Variants in FAAH2 observed in about 807,000 individuals in gnomAD.
FAAH2 encodes the protein fatty-acid amide hydrolase 2.
In FAAH2, 60 loss-of-function variants were observed where a neutral mutation model predicts 36.9. The observed-to-expected ratio is 1.63, with a 90% CI of 1.32 to 2.02. The LOEUF (loss-of-function observed/expected upper bound fraction) is 2.02. Among genes scored for constraint, FAAH2 ranks in the 30% most tolerant of loss-of-function variants. The pLI, the probability that FAAH2 is intolerant of heterozygous loss-of-function variation, is 0.00. For synonymous variants in FAAH2, 214 were observed against 143.8 expected (o/e 1.49, Z -3.49); for missense variants, 689 against 397.5 (o/e 1.73, Z -6.23).
intron 7 of FAAH2, among the ~76,000 whole-genome samples, chrX:57,406,217 A>T (rs1447566275): frequency 1.8e-5 from 2 of 112,143 alleles, no homozygotes; most frequent in African/African-American, 6.5e-5. Flanking sequence ...TTGGCTATAT[A>T]TAACTTTTGT....
chrX:57,360,975 C>T (rs1433434736), intron 5 of FAAH2, among the ~76,000 whole-genome samples: 3 of 111,894 alleles, frequency 2.7e-5, no homozygotes, highest in East Asian at 2.8e-4. Flanking sequence ...TGGCTTCCAG[C>T]TTCATCCACG....
At chrX:57,240,772 C>T in the FAAH2 span, among the ~76,000 whole-genome samples, 1 of 112,010 alleles carries the variant, frequency 8.9e-6, no homozygotes, top group Non-Finnish European at 1.9e-5. Flanking sequence ...CAAGATCTGT[C>T]AGTGTAGGAG....
At chrX:57,446,668 T>G (rs776800709) in intron 8 of FAAH2, among the ~76,000 whole-genome samples, 2 of 112,065 alleles carry the variant, frequency 1.8e-5, no homozygotes, top group South Asian at 3.7e-4. Context: ...GTGAATAGGC[T>G]CATACGTATG....
At chrX:57,362,852 T>C (rs5914993) in intron 5 of FAAH2, among the ~76,000 whole-genome samples, 60,263 of 110,852 alleles carry the variant, frequency 0.54, 14,414 homozygotes, top group Non-Finnish European at 0.75. Context: ...CCATTGCTTG[T>C]TATTGTCAAC....
In FAAH2 at chrX:57,310,790, C is replaced by A. The variant is rs756234617; in HGVS notation, c.412+61C>A. The A allele has an allele frequency of 1.1e-4, 118 of 1,091,899 alleles. No individual in the cohort carries two copies. The African/African-American group carries it at 2.0e-3, about 19-fold the overall frequency. The allele number at this position is 1,091,899 out of a possible 1,213,427, so 90.0% of individuals were successfully genotyped here. On this transcript the variant is annotated intron_variant, in intron 3 of 10. Transcript: ENST00000374900. ...TTCACAAGTTGCTACATTTTCTAAA[C>A]TTATAAACTAAAAAGGATGGTATAA...
At chrX:57,151,737 G>A in the FAAH2 span, among the ~76,000 whole-genome samples, 8 of 110,749 alleles carry the variant, frequency 7.2e-5, no homozygotes, top group African/African-American at 2.0e-4. Flanking sequence ...TAGTTTGATC[G>A]TCTGAAGCCT....
intron 5 of FAAH2, among the ~76,000 whole-genome samples, chrX:57,355,260 G>T (rs1470243943): frequency 2.7e-5 from 3 of 110,261 alleles, no homozygotes; most frequent in Non-Finnish European, 3.8e-5. Flanking sequence ...TGGCTTCTTT[G>T]TCTTTTTTTT....
At chrX:57,440,122 T>C (rs1268141025) in intron 8 of FAAH2, among the ~76,000 whole-genome samples, 8 of 111,713 alleles carry the variant, frequency 7.2e-5, no homozygotes, top group Non-Finnish European at 1.3e-4. Flanking sequence ...GAGTAGTTTT[T>C]TCCAGTTCTG....
At chrX:57,208,732 A>G in the FAAH2 span, among the ~76,000 whole-genome samples, 2 of 112,230 alleles carry the variant, frequency 1.8e-5, no homozygotes, top group Admixed American at 9.4e-5. Context: ...GTTTCTATAG[A>G]TTATAGATTT....
At chrX:57,227,899 G>A in the FAAH2 span, among the ~76,000 whole-genome samples, 1 of 111,125 alleles carries the variant, frequency 9.0e-6, no homozygotes, top group African/African-American at 3.3e-5. Context: ...CCTCTGCTGA[G>A]TCATACAGGT....
the FAAH2 span, among the ~76,000 whole-genome samples, chrX:57,195,707 G>A: frequency 1.8e-5 from 2 of 112,076 alleles, no homozygotes; most frequent in African/African-American, 6.5e-5. Flanking sequence ...GTTTTCTGAT[G>A]TTATCTTCCA....
At chrX:57,148,467 A>G in the FAAH2 span, among the ~76,000 whole-genome samples, 2 of 110,700 alleles carry the variant, frequency 1.8e-5, no homozygotes, top group African/African-American at 6.6e-5. Context: ...CTCCTTGAAG[A>G]GGTCCTTCAC....
intron 5 of FAAH2, among the ~76,000 whole-genome samples, chrX:57,373,819 C>T (rs766827234): frequency 7.2e-5 from 8 of 111,184 alleles, no homozygotes; most frequent in South Asian, 3.7e-4. Flanking sequence ...AAGGGTCTTT[C>T]GATATTATTT....
At chrX:57,395,213 C>T (rs1271731648) in intron 7 of FAAH2, 2 of 556,349 alleles carry the variant, frequency 3.6e-6, no homozygotes, top group Non-Finnish European at 6.5e-6. Context: ...ATGTCAGTGG[C>T]TTTCATCCCA....
At chrX:57,122,484 A>G in the FAAH2 span, among the ~76,000 whole-genome samples, 1 of 112,479 alleles carries the variant, frequency 8.9e-6, no homozygotes, top group African/African-American at 3.2e-5. Flanking sequence ...TTGCAAAAAA[A>G]TAACTTTATA....
chrX:57,203,429 G>A, the FAAH2 span, among the ~76,000 whole-genome samples: 1,112 of 111,964 alleles, frequency 9.9e-3, 16 homozygotes, highest in Non-Finnish European at 0.015. Flanking sequence ...CAGCGTGGGT[G>A]TCATGGCCAT....
intron 5 of FAAH2, among the ~76,000 whole-genome samples, chrX:57,370,158 A>G (rs1337420175): frequency 8.9e-6 from 1 of 112,032 alleles, no homozygotes; most frequent in African/African-American, 3.2e-5. Context: ...AAAGGAACAA[A>G]GGATACAAAA....
At chrX:57,198,631 CAA>C in the FAAH2 span, among the ~76,000 whole-genome samples, 1 of 112,430 alleles carries the variant, frequency 8.9e-6, no homozygotes, top group East Asian at 2.8e-4. Flanking sequence ...AATGCTTGGT[CAA>C]AAGTTATTAC....
chrX:57,168,997 T>C, the FAAH2 span, among the ~76,000 whole-genome samples: 4 of 110,909 alleles, frequency 3.6e-5, no homozygotes, highest in Non-Finnish European at 7.6e-5. Flanking sequence ...AGGCTAAAAG[T>C]CCAAAATAAA....
Sources: allele counts gnomAD v4.1 joint callset (sites outside exome capture counted in the v4.1 genomes callset), GRCh38; gene constraint gnomAD v4.1.1; transcripts MANE v1.5; gene names NCBI Gene and HGNC (gene_info 2026-07-23, HGNC 2026-07-21).